PHF10: variants seen among roughly 807,000 people sequenced by gnomAD.
The protein encoded by PHF10 is BRG1-associated factor 45a.
In PHF10, 51 loss-of-function variants were observed where a neutral mutation model predicts 68.5. The ratio of observed to expected loss-of-function variants is 0.74; its 90% CI spans 0.59 to 0.94. The LOEUF (loss-of-function observed/expected upper bound fraction) is 0.94, where lower values mean the gene tolerates loss of function less well. PHF10 is among the 40% of genes least tolerant of loss of function. The probability of loss-of-function intolerance (pLI) is 0.00; values close to 1 mark genes in which losing one functional copy is unlikely to be tolerated. For synonymous variants in PHF10, 204 were observed against 203.5 expected, an observed-to-expected ratio of 1.00 and a Z score of -0.02; for missense variants, 460 against 602.6, an observed-to-expected ratio of 0.76 and a Z score of 2.48.
chr6:169,723,712 G>T (rs895336677), intron 1 of PHF10, 133 bp downstream of exon 1: 1 of 253,854 alleles, frequency 3.9e-6, no homozygotes, highest in South Asian at 1.5e-4. Flanking sequence ...GACCACCCCC[G>T]GTCTCAGGCG....
chr6:169,718,122 G>T (rs530912254), intron 3 of PHF10, among the ~76,000 whole-genome samples: 12 of 152,218 alleles, frequency 7.9e-5, no homozygotes, highest in African/African-American at 2.2e-4. Flanking sequence ...TCCAAAGCAA[G>T]AAGGTCATAT....
Position 169,715,769 on chromosome 6 carries a change from T to C in PHF10, c.632A>G (p.Asn211Ser). 1 of 1,613,560 alleles carries C rather than the reference T, an allele frequency of 6.2e-7. No homozygotes were observed. The highest frequency in any genetic ancestry group is 8.5e-7 in the Non-Finnish European group (1 of 1,179,982). The change falls in exon 6 of 12, where the codon AAT (asparagine) becomes AGT (serine). Residue 211 changes from asparagine (N) to serine (S), a missense_variant. Asn to Ser is a conservative substitution (Grantham distance 46). Coordinates refer to ENST00000339209, the MANE Select transcript of PHF10 (RefSeq NM_018288.4). ...KKAAKKAAEF[N>S]SNLNRERMEE... Reference sequence around the variant, plus strand: ...CATGCGTTCCCGGTTTAAGTTGCTATTAAATTCTGCTGCTTTTTTGGCAGC... The same window carrying C: ...CATGCGTTCCCGGTTTAAGTTGCTACTAAATTCTGCTGCTTTTTTGGCAGC...
At position 169,716,079 on chromosome 6, in the gene PHF10, G is replaced by A. The variant is rs1363293671; in HGVS notation, c.419C>T (p.Ala140Val). The A allele has an allele frequency of 6.3e-7, 1 of 1,587,434 alleles. No individual in the cohort carries two copies. The highest frequency in any genetic ancestry group is 2.2e-5 in the East Asian group (1 of 44,608). Residue 140 changes from alanine (A) to valine (V), a missense_variant, in exon 5 of 12, where the codon GCA (alanine) becomes GTA (valine). Ala to Val is a moderately conservative substitution (Grantham distance 64). Transcript: ENST00000339209. ...ATCAATCACTTCATCACTGCGCAAT[G>A]CTGTTAAGCCTATTTTAGACCAAAA... ...TETQCTLGLT[A>V]LRSDEVIDLM...
chr6:169,721,327 C>T (rs990893704), intron 1 of PHF10, among the ~76,000 whole-genome samples: 10 of 152,118 alleles, frequency 6.6e-5, no homozygotes, highest in African/African-American at 2.2e-4. Context: ...TCAATGAACC[C>T]GTAAATGCAA....
intron 11 of PHF10, 153 bp downstream of exon 11, chr6:169,704,980 G>C: frequency 2.0e-6 from 1 of 488,774 alleles, no homozygotes. Context: ...ATGAAAAGCT[G>C]GTGGACATGA....
chr6:169,717,731 T>C, intron 4 of PHF10, 92 bp downstream of exon 4: 2 of 613,270 alleles, frequency 3.3e-6, no homozygotes, highest in Non-Finnish European at 5.8e-6. Flanking sequence ...ATTTTATTAA[T>C]TTTGTAAAAT....
rs1427587986 is a variant in PHF10, at chr6:169,724,099, C to G, written c.-168G>C. ...GGCCGGCCCCTGCCGCCGCGCGCCC[C>G]GCGGCCCGCCAGCGCCGCCGCCACC... On this transcript the variant is annotated 5_prime_UTR_variant, in exon 1 of 12. Coordinates refer to ENST00000339209, the MANE Select transcript of PHF10 (RefSeq NM_018288.4). 1 of 144,356 alleles carries G rather than the reference C, an allele frequency of 6.9e-6. No homozygotes were observed. Among genetic ancestry groups the G allele is most frequent in the Non-Finnish European group, 1.5e-5 (1 of 65,242 alleles). 8.9% of individuals were successfully genotyped at this position (144,356 alleles called of 1,614,324 possible).
chr6:169,711,408 C>CT (rs1216509492), intron 8 of PHF10, among the ~76,000 whole-genome samples: 2 of 152,072 alleles, frequency 1.3e-5, no homozygotes, highest in African/African-American at 4.8e-5. Flanking sequence ...TCAAATGGAC[C>CT]TTTTTTTCTA....
At position 169,723,849 on chromosome 6, in the gene PHF10, G is replaced by C. The variant is rs1789249715; in HGVS notation, c.83C>G (p.Pro28Arg). The change falls in exon 1 of 12, where the codon CCG (proline) becomes CGG (arginine). Residue 28 changes from proline (P) to arginine (R), a missense_variant. Coordinates refer to ENST00000339209, the MANE Select transcript of PHF10 (RefSeq NM_018288.4). The stretch of plus-strand genomic sequence containing the variant: ...TCGCACCGGCCGCTTCCTCACCTTC[G>C]GGGACTGCGCTCCGGGGGTGGCTGG... ...SDPATPGAQSPKDDNEDNSND... is the reference protein window; with the variant it reads ...SDPATPGAQSRKDDNEDNSND... 2 of 1,075,224 alleles carry C rather than the reference G, an allele frequency of 1.9e-6. No homozygotes were observed. Among genetic ancestry groups the C allele is most frequent in the South Asian group, 4.5e-5 (1 of 22,438 alleles). The allele number at this position is 1,075,224 out of a possible 1,614,324, so 66.6% of individuals were successfully genotyped here. A position where few individuals can be genotyped will look rare whatever the true frequency, so the allele number is the denominator to read the frequency against.
intron 7 of PHF10, among the ~76,000 whole-genome samples, chr6:169,713,864 C>T (rs917182859): frequency 6.6e-6 from 1 of 152,112 alleles, no homozygotes; most frequent in Non-Finnish European, 1.5e-5. Context: ...TGGCTCACAC[C>T]TTTAATCCGA....
At position 169,713,927 on chromosome 6, in the gene PHF10, T is replaced by C. The variant is rs1241239954; in HGVS notation, c.803+806A>G. On this transcript the variant is annotated intron_variant, in intron 7 of 11. Coordinates refer to ENST00000339209, the MANE Select transcript of PHF10 (RefSeq NM_018288.4). Reference sequence around the variant, plus strand: ...TCACTAGGTCAAGAGATCAAGAGCATCCTGGCCAACATGGTAAAACCCACC... The same window carrying C: ...TCACTAGGTCAAGAGATCAAGAGCACCCTGGCCAACATGGTAAAACCCACC... Among the ~76,000 whole-genome samples the C allele has an allele frequency of 2.0e-5, 3 of 152,174 alleles. No individual in the cohort carries two copies. In the East Asian group the frequency reaches 5.8e-4, roughly 30 times the overall value.
intron 9 of PHF10, chr6:169,709,143 T>C (rs1788872551): frequency 6.6e-6 from 1 of 151,898 alleles, no homozygotes; most frequent in African/African-American, 2.4e-5. Context: ...TACACTAACT[T>C]AATGTCGCTT....
At chr6:169,716,979 C>A (rs1789063045) in intron 4 of PHF10, among the ~76,000 whole-genome samples, 1 of 152,212 alleles carries the variant, frequency 6.6e-6, no homozygotes, top group Non-Finnish European at 1.5e-5. Context: ...AAGGGCTGGG[C>A]ATGGTGGCTC....
chr6:169,721,691 A>AAAG (rs1562989328), intron 1 of PHF10, among the ~76,000 whole-genome samples: 1 of 151,882 alleles, frequency 6.6e-6, no homozygotes. Flanking sequence ...TTTTTAAAGA[A>AAAG]GATTATATAT....
intron 6 of PHF10, 87 bp from the exon 7 acceptor site, chr6:169,714,929 C>G: frequency 1.3e-6 from 1 of 751,566 alleles, no homozygotes; most frequent in Admixed American, 2.1e-5. Flanking sequence ...CACCACTGCA[C>G]GCCCACTTCC....
At chr6:169,722,025 T>G (rs1323378264) in intron 1 of PHF10, among the ~76,000 whole-genome samples, 1 of 152,202 alleles carries the variant, frequency 6.6e-6, no homozygotes, top group African/African-American at 2.4e-5. Context: ...GAGTAGGTTA[T>G]TCTCTGTGAG....
chr6:169,714,603 G>A (rs1179549968), intron 7 of PHF10, 130 bp downstream of exon 7: 2 of 661,368 alleles, frequency 3.0e-6, no homozygotes, highest in Non-Finnish European at 5.5e-6. Context: ...GAGAAGAATA[G>A]CAACACAAAT....
rs182366655 is a variant in PHF10, at chr6:169,722,125, T to C, written c.88-1014A>G. Reference sequence around the variant, plus strand: ...AACGAGCTACTATATTAAAAGTACTTAGAACAAGGACTGGCGAGTTATCTG... The same window carrying C: ...AACGAGCTACTATATTAAAAGTACTCAGAACAAGGACTGGCGAGTTATCTG... On this transcript the variant is annotated intron_variant, in intron 1 of 11. Coordinates refer to ENST00000339209, the MANE Select transcript of PHF10 (RefSeq NM_018288.4). Among the ~76,000 whole-genome samples, 264 of 152,310 alleles carry C rather than the reference T, an allele frequency of 1.7e-3. 1 individual carries two copies. Among genetic ancestry groups the C allele is most frequent in the African/African-American group, 6.0e-3 (249 of 41,580 alleles).
chr6:169,706,727 T>TACATAC (rs1490874788), intron 9 of PHF10, among the ~76,000 whole-genome samples: 1,320 of 127,414 alleles, frequency 0.01, 9 homozygotes, highest in Non-Finnish European at 0.015. Context: ...CATACATACA[T>TACATAC]ACACACACAC....
Sources: gnomAD v4.1 joint callset for allele counts (sites outside exome capture counted in the v4.1 genomes callset) on GRCh38, gnomAD v4.1.1 for gene constraint, MANE v1.5 for transcripts, NCBI Gene and HGNC (gene_info 2026-07-23, HGNC 2026-07-21) for gene names.